The following SUMF1 variants were observed in gnomAD, a reference collection of about 807,000 sequenced individuals.
The protein encoded by SUMF1 is sulfatase modifying factor 1.
SUMF1 carries 48 observed loss-of-function variants against 47.6 expected under a neutral mutation model. The observed-to-expected ratio is 1.01, with a 90% CI of 0.80 to 1.28. The LOEUF is 1.28. SUMF1 is among the 50% of genes most tolerant of loss of function. SUMF1 has a pLI of 0.00. For synonymous variants in SUMF1, 230 were observed against 192.1 expected, an observed-to-expected ratio of 1.20 and a Z score of -1.63; for missense variants, 571 against 485.4, an observed-to-expected ratio of 1.18 and a Z score of -1.66.
At chr3:4,081,183 G>C (rs185592366) in intron 8 of SUMF1, among the ~76,000 whole-genome samples, 29 of 152,246 alleles carry the variant, frequency 1.9e-4, no homozygotes, top group Admixed American at 1.8e-3. Flanking sequence ...GTTGCCTAAA[G>C]TAACGTTCAC....
intron 8 of SUMF1, chr3:4,068,819 T>C (rs1695445475): frequency 4.5e-6 from 1 of 221,362 alleles, no homozygotes; most frequent in South Asian, 5.4e-5. Flanking sequence ...ATTTGTCATG[T>C]GACAGGCATG....
chr3:4,284,468 GAGGAGA>G lies in SUMF1; in HGVS notation c.1014+91856_1014+91861del, dbSNP rs1175609485. ...GGAGGAGGAGGAGGAGGAGGAGGAG[GAGGAGA>G]AGGAGGAGGAGGAGGAGAGAAAGTA... On this transcript the variant is annotated intron_variant and NMD_transcript_variant, in intron 8 of 12. Transcript: ENST00000448413. 3.2e-3 allele frequency among the ~76,000 whole-genome samples: 463 copies of G among 145,432 alleles called. 16 individuals are homozygous for G. Among genetic ancestry groups the G allele is most frequent in the African/African-American group, 8.0e-3 (320 of 40,134 alleles).
chr3:4,211,865 C>T (rs1180243635), intron 8 of SUMF1, among the ~76,000 whole-genome samples: 2 of 152,150 alleles, frequency 1.3e-5, no homozygotes, highest in African/African-American at 2.4e-5. Context: ...AAGGCCTCCG[C>T]AGCCAAACTG....
Position 4,410,872 on chromosome 3 carries a change from A to G in SUMF1, c.947T>C (p.Leu316Pro). ...TCTGTGAATAATACTCACTGGGTTA[A>G]GCGTTTCTTCAACAGAATGATGAAC... The part of the protein sequence containing the change: ...WTVHHSVEET[L>P]NPKGPPSGKD... Residue 316 changes from leucine (L) to proline (P), a missense_variant, in exon 7 of 9, where the codon CTT (leucine) becomes CCT (proline). Physicochemically the swap from Leu to Pro is moderately conservative, Grantham distance 98 (BLOSUM62 -3). Transcript: ENST00000272902. 2 of 1,613,902 alleles carry G rather than the reference A, an allele frequency of 1.2e-6. No individual in the cohort carries two copies. The highest frequency in any genetic ancestry group is 2.2e-5 in the South Asian group (2 of 91,084).
chr3:4,051,638 T>G (rs563421927), intron 9 of SUMF1, among the ~76,000 whole-genome samples: 2 of 152,248 alleles, frequency 1.3e-5, no homozygotes, highest in South Asian at 4.1e-4. Flanking sequence ...TCCTCCCTCC[T>G]ACCATCTTTG....
chr3:4,329,381 T>C (rs1256584692), intron 8 of SUMF1, among the ~76,000 whole-genome samples: 1 of 152,222 alleles, frequency 6.6e-6, no homozygotes, highest in Non-Finnish European at 1.5e-5. Context: ...GTACATCCTC[T>C]GAAATATAGG....
intron 3 of SUMF1, among the ~76,000 whole-genome samples, chr3:4,445,330 T>G (rs1702742892): frequency 6.6e-6 from 1 of 152,010 alleles, no homozygotes; most frequent in Non-Finnish European, 1.5e-5. Context: ...TATGGCTTGT[T>G]TTTGTTTTGT....
chr3:4,253,784 T>A (rs1215777083), intron 8 of SUMF1, among the ~76,000 whole-genome samples: 2 of 146,166 alleles, frequency 1.4e-5, no homozygotes, highest in East Asian at 2.0e-4. Context: ...CCTGCCTGCC[T>A]CTGTAGGCTC....
chr3:4,319,419 A>C (rs539008397), intron 8 of SUMF1, among the ~76,000 whole-genome samples: 1 of 152,202 alleles, frequency 6.6e-6, no homozygotes, highest in African/African-American at 2.4e-5. Flanking sequence ...GGAGGCTTAC[A>C]TAGTGAGGGA....
chr3:4,274,782 G>A (rs928023921), intron 8 of SUMF1, among the ~76,000 whole-genome samples: 1 of 152,098 alleles, frequency 6.6e-6, no homozygotes, highest in African/African-American at 2.4e-5. Flanking sequence ...TAAAAATCTA[G>A]ACTGACAGAA....
intron 1 of SUMF1, among the ~76,000 whole-genome samples, chr3:4,456,773 C>CATATATACGTGTGTATATATACGTGTAT (rs2079634173): frequency 2.5e-4 from 1 of 4,062 alleles, no homozygotes; most frequent in African/African-American, 1.1e-3. Context: ...TATATATACA[C>CATATATACGTGTGTATATATACGTGTAT]ATATATACGT....
chr3:4,352,710 T>C (rs1383176154), intron 8 of SUMF1, among the ~76,000 whole-genome samples: 1 of 139,120 alleles, frequency 7.2e-6, no homozygotes, highest in Non-Finnish European at 1.5e-5. Flanking sequence ...CCAAAGGATG[T>C]AGGTCCATTA....
intron 8 of SUMF1, among the ~76,000 whole-genome samples, chr3:4,142,434 T>A (rs1332069988): frequency 6.6e-6 from 1 of 152,156 alleles, no homozygotes; most frequent in East Asian, 1.9e-4. Context: ...TAGTGTCTTT[T>A]ATTTCTGTAT....
intron 8 of SUMF1, among the ~76,000 whole-genome samples, chr3:4,127,595 ACTGC>A (rs1027474598): frequency 6.6e-6 from 1 of 152,022 alleles, no homozygotes; most frequent in Non-Finnish European, 1.5e-5. Flanking sequence ...TGGCGCTTGG[ACTGC>A]CTCTCCTTGC....
At chr3:4,351,054 C>T (rs368766480) in intron 8 of SUMF1, among the ~76,000 whole-genome samples, 3 of 152,208 alleles carry the variant, frequency 2.0e-5, no homozygotes, top group East Asian at 3.9e-4. Flanking sequence ...TACCCACAGA[C>T]GGAGGTACAA....
chr3:4,265,829 C>T (rs960543805), intron 8 of SUMF1, among the ~76,000 whole-genome samples: 1 of 152,100 alleles, frequency 6.6e-6, no homozygotes, highest in African/African-American at 2.4e-5. Flanking sequence ...AATGGTAATG[C>T]CTAGGTTTTC....
At chr3:4,321,813 G>A (rs577159893) in intron 8 of SUMF1, among the ~76,000 whole-genome samples, 1 of 152,248 alleles carries the variant, frequency 6.6e-6, no homozygotes, top group South Asian at 2.1e-4. Flanking sequence ...CTCCCAAAGA[G>A]TGTAGAATGG....
chr3:4,163,218 T>A (rs1034856262), intron 8 of SUMF1, among the ~76,000 whole-genome samples: 1 of 151,596 alleles, frequency 6.6e-6, no homozygotes, highest in Non-Finnish European at 1.5e-5. Context: ...GCACTTTGCC[T>A]ATTGAAGAGA....
chr3:4,408,973 TA>T (rs926722480), intron 7 of SUMF1, among the ~76,000 whole-genome samples: 3 of 150,978 alleles, frequency 2.0e-5, no homozygotes, highest in South Asian at 2.1e-4. Flanking sequence ...AAATAAAAAT[TA>T]AAAAAAAAGA....
Sources: allele counts gnomAD v4.1 joint callset (sites outside exome capture counted in the v4.1 genomes callset), GRCh38; gene constraint gnomAD v4.1.1; transcripts MANE v1.5; gene names NCBI Gene and HGNC (gene_info 2026-07-23, HGNC 2026-07-21).